Variants in ACKR2 observed in about 807,000 individuals in gnomAD.
The protein encoded by ACKR2 is C-C chemokine receptor D6.
For missense variants in ACKR2, 457 were observed against 477.3 expected, an observed-to-expected ratio of 0.96 and a Z score of 0.40; for synonymous variants, 207 against 192.2, an observed-to-expected ratio of 1.08 and a Z score of -0.64.
At chr3:42,830,617 T>C (rs1178142985) in intron 2 of ACKR2, among the ~76,000 whole-genome samples, 1 of 152,090 alleles carries the variant, frequency 6.6e-6, no homozygotes, top group African/African-American at 2.4e-5. Flanking sequence ...AATCCTGTAA[T>C]GTGTTTCTTT....
At chr3:42,841,311 A>G (rs866277080) in intron 2 of ACKR2, among the ~76,000 whole-genome samples, 1 of 152,234 alleles carries the variant, frequency 6.6e-6, no homozygotes, top group Non-Finnish European at 1.5e-5. Context: ...GTGAAATGAA[A>G]CTATCAGGGA....
chr3:42,836,354 A>G (rs1019080775), intron 2 of ACKR2, among the ~76,000 whole-genome samples: 53 of 152,342 alleles, frequency 3.5e-4, no homozygotes, highest in African/African-American at 1.3e-3. Context: ...GACTCAGGCC[A>G]TATCAACATG....
intron 1 of ACKR2, among the ~76,000 whole-genome samples, chr3:42,815,541 C>T (rs187789610): frequency 1.3e-5 from 2 of 152,332 alleles, no homozygotes; most frequent in African/African-American, 4.8e-5. Flanking sequence ...CAAAAATACA[C>T]TTCCCAGACA....
intron 2 of ACKR2, among the ~76,000 whole-genome samples, chr3:42,833,529 A>C (rs1307988181): frequency 6.6e-6 from 1 of 152,116 alleles, no homozygotes; most frequent in Non-Finnish European, 1.5e-5. Context: ...ACATTCCGTT[A>C]TTTGTACTGT....
In ACKR2 at chr3:42,865,849, C is replaced by A; in HGVS notation, c.*192C>A. Reference sequence around the variant, plus strand: ...TTCTTCACTTGCTTCCAGGATACCACGCTTTCTTTTCTGAATTGCTACAAT... The same window carrying A: ...TTCTTCACTTGCTTCCAGGATACCAAGCTTTCTTTTCTGAATTGCTACAAT... On this transcript the variant is annotated 3_prime_UTR_variant, in exon 3 of 3. Coordinates refer to ENST00000422265, the MANE Select transcript of ACKR2 (RefSeq NM_001296.5). 1 of 542,090 alleles carries A rather than the reference C, an allele frequency of 1.8e-6. No homozygotes were observed. The highest frequency in any genetic ancestry group is 3.3e-6 in the Non-Finnish European group (1 of 301,818). The allele number at this position is 542,090 out of a possible 1,614,324, so 33.6% of individuals were successfully genotyped here.
rs2088434310 is a variant in ACKR2, at chr3:42,866,177, C to CTTTTCTTT, written c.*524_*525insCTTTTTTT. On this transcript the variant is annotated 3_prime_UTR_variant, in exon 3 of 3. Transcript: ENST00000422265. ...TTTTTTTTCTTTCTTTCTTTCTTTT[C>CTTTTCTTT]TTTTTTTTTTTTTTTTGAGACGGAG... The CTTTTCTTT allele has an allele frequency of 1.6e-5, 2 of 122,046 alleles. No individual in the cohort carries two copies. Among genetic ancestry groups the CTTTTCTTT allele is most frequent in the African/African-American group, 6.3e-5 (2 of 31,864 alleles). 7.6% of individuals were successfully genotyped at this position (122,046 alleles called of 1,614,324 possible).
intron 2 of ACKR2, among the ~76,000 whole-genome samples, chr3:42,845,240 G>C (rs1701081483): frequency 6.6e-6 from 1 of 152,152 alleles, no homozygotes; most frequent in South Asian, 2.1e-4. Context: ...GTATAGAATA[G>C]AAAGAGAACC....
Position 42,865,677 on chromosome 3 carries a change from G to A in ACKR2, c.*20G>A, listed in dbSNP as rs763436352. 6 of 1,583,884 alleles carry A rather than the reference G, an allele frequency of 3.8e-6. No homozygotes were observed. The Admixed American group carries it at 1.0e-4, about 27-fold the overall frequency. The stretch of plus-strand genomic sequence containing the variant: ...GCCTGAGTGACCAAATTTTGGTCTG[G>A]TGGGAACAGATGGGAACCAGCTCAA... On this transcript the variant is annotated 3_prime_UTR_variant, in exon 3 of 3. Transcript: ENST00000422265.
intron 2 of ACKR2, among the ~76,000 whole-genome samples, chr3:42,860,188 A>AAAAAAAAAAAAAC (rs1559693615): frequency 1.4e-5 from 2 of 146,172 alleles, no homozygotes; most frequent in African/African-American, 2.6e-5. Context: ...AAAAAAAAAA[A>AAAAAAAAAAAAAC]AGCAGGGGAT....
intron 2 of ACKR2, among the ~76,000 whole-genome samples, chr3:42,836,835 C>A (rs529249290): frequency 1.3e-5 from 2 of 152,276 alleles, no homozygotes; most frequent in African/African-American, 4.8e-5. Context: ...ATGAAATGGG[C>A]TGGGCTAATA....
chr3:42,853,607 A>G (rs1701186917), intron 2 of ACKR2, among the ~76,000 whole-genome samples: 1 of 152,106 alleles, frequency 6.6e-6, no homozygotes, highest in African/African-American at 2.4e-5. Context: ...CCTAGCATTT[A>G]AGAGCATGGA....
At chr3:42,842,349 G>A (rs957740563) in intron 2 of ACKR2, among the ~76,000 whole-genome samples, 2 of 152,204 alleles carry the variant, frequency 1.3e-5, no homozygotes, top group African/African-American at 2.4e-5. Flanking sequence ...GGACTAGAGT[G>A]AGTATTTAAG....
At chr3:42,825,865 G>T (rs199775429) in intron 2 of ACKR2, among the ~76,000 whole-genome samples, 246 of 134,592 alleles carry the variant, frequency 1.8e-3, no homozygotes, top group Middle Eastern at 3.9e-3. Context: ...TTTTTTTTTT[G>T]TTTTTTTTTT....
intron 1 of ACKR2, among the ~76,000 whole-genome samples, chr3:42,818,490 C>T (rs1222779016): frequency 1.3e-5 from 2 of 152,204 alleles, no homozygotes; most frequent in South Asian, 2.1e-4. Flanking sequence ...GAATTGGCTG[C>T]TTCCTACAAG....
intron 1 of ACKR2, among the ~76,000 whole-genome samples, chr3:42,812,551 C>T (rs1700706492): frequency 6.6e-6 from 1 of 152,104 alleles, no homozygotes; most frequent in South Asian, 2.1e-4. Flanking sequence ...AATAACTCTG[C>T]CTTCCTGAGA....
chr3:42,861,551 G>T (rs1395872664), intron 2 of ACKR2, among the ~76,000 whole-genome samples: 1 of 152,102 alleles, frequency 6.6e-6, no homozygotes, highest in Non-Finnish European at 1.5e-5. Context: ...ACCTGGCAAA[G>T]ACACAACAAA....
In ACKR2 at chr3:42,865,892, T is replaced by G; in HGVS notation, c.*235T>G. 4.1e-6 allele frequency: 2 copies of G among 482,570 alleles called. No individual in the cohort carries two copies. The highest frequency in any genetic ancestry group is 3.7e-5 in the East Asian group (1 of 27,330). The allele number at this position is 482,570 out of a possible 1,614,324, so 29.9% of individuals were successfully genotyped here. On this transcript the variant is annotated 3_prime_UTR_variant, in exon 3 of 3. Transcript: ENST00000422265. Reference sequence around the variant, plus strand: ...GCTACAATCTTTCTTCCTTCCTTCCTTGCTTCCTTCCTTCCTTCCTTCCCT... The same window carrying G: ...GCTACAATCTTTCTTCCTTCCTTCCGTGCTTCCTTCCTTCCTTCCTTCCCT...
At chr3:42,860,569 C>T (rs1306544066) in intron 2 of ACKR2, among the ~76,000 whole-genome samples, 1 of 152,124 alleles carries the variant, frequency 6.6e-6, no homozygotes, top group Non-Finnish European at 1.5e-5. Context: ...CATCCTGATA[C>T]CACAACATCA....
rs1472891522 is a variant in ACKR2, at chr3:42,843,048, ATT to A, written c.-37-21416_-37-21415del. ...GTCATGTCTAGCTATTTATTTATTT[ATT>A]TATTTATTTATTTATTTATTTATTA... On this transcript the variant is annotated intron_variant, in intron 2 of 2. Coordinates refer to ENST00000422265, the MANE Select transcript of ACKR2 (RefSeq NM_001296.5). Among the ~76,000 whole-genome samples the A allele has an allele frequency of 8.0e-3, 1,172 of 147,370 alleles. 19 individuals carry two copies. Among genetic ancestry groups the A allele is most frequent in the East Asian group, 0.049 (247 of 4,996 alleles).
Sources: gnomAD v4.1 joint callset for allele counts (sites outside exome capture counted in the v4.1 genomes callset) on GRCh38, gnomAD v4.1.1 for gene constraint, MANE v1.5 for transcripts, NCBI Gene and HGNC (gene_info 2026-07-23, HGNC 2026-07-21) for gene names.